CASK: variants seen among roughly 807,000 people sequenced by gnomAD.
CASK encodes the protein calcium/calmodulin dependent serine protein kinase, also known as peripheral plasma membrane protein CASK.
Under a neutral mutation model 82.9 loss-of-function variants are expected in CASK, and 4 were observed. The observed-to-expected ratio is 0.05, with a 90% CI of 0.02 to 0.11. CASK has a LOEUF of 0.11. CASK is among the 10% of genes least tolerant of loss of function. The pLI is 1.00. For synonymous variants in CASK, 259 were observed against 253.5 expected (o/e 1.02, Z -0.20); for missense variants, 358 against 720.9 (o/e 0.50, Z 5.76).
intron 1 of CASK, among the ~76,000 whole-genome samples, chrX:41,900,640 A>T (rs2072355246): frequency 1.3e-5 from 1 of 74,230 alleles, no homozygotes; most frequent in Non-Finnish European, 2.6e-5. Flanking sequence ...TGAACTTCTC[A>T]TATTGTTTGT....
chrX:41,583,649 G>A (rs1411277766), intron 14 of CASK, among the ~76,000 whole-genome samples: 1 of 103,412 alleles, frequency 9.7e-6, no homozygotes, highest in African/African-American at 3.6e-5. Flanking sequence ...GTTTCACCAT[G>A]TTGGCCAGGC....
chrX:41,715,913 T>C (rs764039292), intron 5 of CASK, among the ~76,000 whole-genome samples: 79 of 112,473 alleles, frequency 7.0e-4, no homozygotes, highest in African/African-American at 2.4e-3. Context: ...GTGAGGCTGA[T>C]GCTGGTAGCC....
In CASK at chrX:41,622,641, G is replaced by C; in HGVS notation, c.1016-7C>G. On this transcript the variant is annotated splice_polypyrimidine_tract_variant and splice_region_variant and intron_variant, in intron 10 of 26. Transcript: ENST00000378163. ...CTTTCTGCTGCTAGAAGTCCTAGGA[G>C]GAAGGCAGCATATGGACAAACAACA... is the stretch of plus-strand genomic sequence containing the variant. 8.4e-7 allele frequency: 1 copy of C among 1,193,702 alleles called. No homozygotes were observed. The highest frequency in any genetic ancestry group is 1.1e-6 in the Non-Finnish European group (1 of 883,016).
At chrX:41,657,632 C>G (rs924588318) in intron 8 of CASK, among the ~76,000 whole-genome samples, 2 of 111,347 alleles carry the variant, frequency 1.8e-5, no homozygotes, top group East Asian at 5.6e-4. Context: ...AAGCGATTCT[C>G]CTGCCTCAGC....
At chrX:41,669,958 C>T (rs1415052174) in intron 6 of CASK, among the ~76,000 whole-genome samples, 2 of 111,690 alleles carry the variant, frequency 1.8e-5, no homozygotes, top group Admixed American at 9.5e-5. Flanking sequence ...AACAGATGAA[C>T]GGTTATCATA....
chrX:41,578,665 T>C (rs1225965769), intron 14 of CASK, 137 bp from the exon 15 acceptor site: 1 of 464,746 alleles, frequency 2.2e-6, no homozygotes. Context: ...CTCAGCTCAC[T>C]GCAGGCTTCA....
intron 2 of CASK, among the ~76,000 whole-genome samples, chrX:41,813,966 T>C (rs1279038802): frequency 8.9e-6 from 1 of 112,158 alleles, no homozygotes; most frequent in African/African-American, 3.2e-5. Context: ...AGAAGACATT[T>C]ATGCAGCCAA....
Position 41,817,372 on chromosome X carries a change from G to T in CASK, c.173-30089C>A, listed in dbSNP as rs759867411. Among the ~76,000 whole-genome samples the T allele has an allele frequency of 4.7e-4, 53 of 111,876 alleles. 1 individual carries two copies. Among genetic ancestry groups the T allele is most frequent in the Non-Finnish European group, 7.9e-4 (42 of 53,113 alleles). ...TGGAGGAGACATCTAGCCAGTCAGT[G>T]CAATAAGGCCAGAAAACCAAACAAG... On this transcript the variant is annotated intron_variant, in intron 2 of 26. Transcript: ENST00000378163.
At chrX:41,745,807 CA>C (rs1302974821) in intron 3 of CASK, among the ~76,000 whole-genome samples, 1 of 111,900 alleles carries the variant, frequency 8.9e-6, no homozygotes, top group African/African-American at 3.2e-5. Flanking sequence ...GGGAAAGAAA[CA>C]GGAAGAGTAG....
chrX:41,838,792 A>T (rs1226430508), intron 2 of CASK, among the ~76,000 whole-genome samples: 2 of 111,685 alleles, frequency 1.8e-5, no homozygotes, highest in East Asian at 5.6e-4. Flanking sequence ...TATGTTTTAT[A>T]TTTAAATCTA....
intron 5 of CASK, among the ~76,000 whole-genome samples, chrX:41,701,825 T>C (rs757868349): frequency 1.8e-5 from 2 of 112,378 alleles, no homozygotes; most frequent in Non-Finnish European, 3.8e-5. Context: ...CTGTTCTAGG[T>C]GCTTCCCATG....
chrX:41,879,249 C>G (rs2071899689), intron 1 of CASK, among the ~76,000 whole-genome samples: 1 of 111,268 alleles, frequency 9.0e-6, no homozygotes, highest in African/African-American at 3.3e-5. Flanking sequence ...GTACAGCAGT[C>G]CCCTACCCTT....
At chrX:41,658,137 C>T (rs779781657) in intron 8 of CASK, among the ~76,000 whole-genome samples, 2 of 111,910 alleles carry the variant, frequency 1.8e-5, no homozygotes, top group South Asian at 7.6e-4. Context: ...AAGCTCTGCT[C>T]CCCTCCTCTC....
chrX:41,877,023 T>G (rs961091148), intron 1 of CASK, among the ~76,000 whole-genome samples: 4 of 111,661 alleles, frequency 3.6e-5, no homozygotes, highest in African/African-American at 1.3e-4. Flanking sequence ...TATTTTTAAG[T>G]TACAGTCACT....
chrX:41,845,436 C>T (rs765478158), intron 2 of CASK, among the ~76,000 whole-genome samples: 1 of 111,623 alleles, frequency 9.0e-6, no homozygotes, highest in South Asian at 3.7e-4. Context: ...TATAAAATGT[C>T]CTTCTTTAGT....
chrX:41,743,750 A>G, intron 4 of CASK: 2 of 297,031 alleles, frequency 6.7e-6, no homozygotes, highest in Non-Finnish European at 1.2e-5. Context: ...TAATTGTAAA[A>G]GAAATGGTAA....
intron 5 of CASK, among the ~76,000 whole-genome samples, chrX:41,700,228 G>A (rs748226577): frequency 2.2e-4 from 25 of 111,450 alleles, no homozygotes; most frequent in Non-Finnish European, 4.3e-4. Flanking sequence ...TTCCAGTACA[G>A]TTTTATTTTC....
At chrX:41,658,266 A>G (rs1195907605) in intron 8 of CASK, among the ~76,000 whole-genome samples, 1 of 112,127 alleles carries the variant, frequency 8.9e-6, no homozygotes, top group Non-Finnish European at 1.9e-5. Flanking sequence ...AAATTAACCA[A>G]CCCCAAAGAG....
chrX:41,920,384 T>C (rs1467912301), intron 1 of CASK, among the ~76,000 whole-genome samples: 1 of 112,133 alleles, frequency 8.9e-6, no homozygotes, highest in Non-Finnish European at 1.9e-5. Context: ...CAATATATAC[T>C]AAGACAATTT....
Sources: allele counts gnomAD v4.1 joint callset (sites outside exome capture counted in the v4.1 genomes callset), GRCh38; gene constraint gnomAD v4.1.1; transcripts MANE v1.5; gene names NCBI Gene and HGNC (gene_info 2026-07-23, HGNC 2026-07-21).